Variants in AP1S3 observed in about 807,000 individuals in gnomAD.
AP1S3 encodes AP-1 complex subunit sigma-3.
AP1S3 carries 10 observed loss-of-function variants against 20.9 expected under a neutral mutation model. The observed-to-expected ratio is 0.48, with a 90% CI of 0.29 to 0.81. AP1S3 has a LOEUF of 0.81. Among genes scored for constraint, AP1S3 ranks in the 30% least tolerant of loss-of-function variants. The pLI is 0.08. For synonymous variants in AP1S3, 41 were observed against 61.5 expected, an observed-to-expected ratio of 0.67 and a Z score of 1.56; for missense variants, 154 against 183.8, an observed-to-expected ratio of 0.84 and a Z score of 0.94.
intron 4 of AP1S3, among the ~76,000 whole-genome samples, chr2:223,763,531 C>T (rs552398389): frequency 1.3e-5 from 2 of 152,270 alleles, no homozygotes; most frequent in South Asian, 4.1e-4. Context: ...CCCCAACTCC[C>T]AGAGTATTTT....
chr2:223,773,497 G>A, intron 3 of AP1S3: 1 of 867,302 alleles, frequency 1.2e-6, no homozygotes, highest in Admixed American at 3.4e-5. Context: ...ATACCAAGAG[G>A]AGAAAGAAAA....
At chr2:223,759,036 G>A (rs1010640710) in intron 4 of AP1S3, among the ~76,000 whole-genome samples, 8 of 152,174 alleles carry the variant, frequency 5.3e-5, no homozygotes, top group African/African-American at 1.7e-4. Flanking sequence ...GCTCACGCCT[G>A]TAATACCAGC....
At chr2:223,772,581 G>A (rs944044717) in intron 3 of AP1S3, among the ~76,000 whole-genome samples, 1 of 152,120 alleles carries the variant, frequency 6.6e-6, no homozygotes, top group African/African-American at 2.4e-5. Context: ...ATAAATTGAG[G>A]TTAATGCTAC....
intron 3 of AP1S3, among the ~76,000 whole-genome samples, chr2:223,774,148 C>T (rs13387674): frequency 0.65 from 99,184 of 152,122 alleles, 33,073 homozygotes; most frequent in East Asian, 0.81. Context: ...GCGGATCGCC[C>T]GAGGTCAGGA....
intron 1 of AP1S3, among the ~76,000 whole-genome samples, chr2:223,782,536 C>G (rs1690974815): frequency 6.6e-6 from 1 of 152,108 alleles, no homozygotes; most frequent in Admixed American, 6.6e-5. Flanking sequence ...GGATGCTTTT[C>G]TAGTTGGTCT....
chr2:223,783,804 T>C (rs577026761), intron 1 of AP1S3, among the ~76,000 whole-genome samples: 2 of 152,342 alleles, frequency 1.3e-5, no homozygotes, highest in East Asian at 3.9e-4. Context: ...GACTAGCTCG[T>C]ATCTCAGGAC....
Position 223,758,155 on chromosome 2 carries a change from A to G in AP1S3, c.*560T>C, listed in dbSNP as rs542111950. The G allele has an allele frequency of 1.0e-5, 10 of 980,916 alleles. No individual in the cohort carries two copies. In the South Asian group the frequency reaches 4.7e-4, roughly 46 times the overall value. 60.8% of individuals were successfully genotyped at this position (980,916 alleles called of 1,614,324 possible). ...ATAATCCCAATTCTAAAAAAAATAA[A>G]TGAATTCAGCACATTAAAATCAGAC... On this transcript the variant is annotated 3_prime_UTR_variant, in exon 5 of 5. Coordinates refer to ENST00000396654, the MANE Select transcript of AP1S3 (RefSeq NM_001039569.2).
At chr2:223,810,109 T>C (rs1004019429) in intron 1 of AP1S3, among the ~76,000 whole-genome samples, 8 of 152,212 alleles carry the variant, frequency 5.3e-5, no homozygotes, top group Middle Eastern at 3.4e-3. Context: ...CTCACAGTTA[T>C]GGGGAGAAGC....
At chr2:223,799,035 C>T (rs1356100072) in intron 1 of AP1S3, among the ~76,000 whole-genome samples, 1 of 152,178 alleles carries the variant, frequency 6.6e-6, no homozygotes, top group Non-Finnish European at 1.5e-5. Flanking sequence ...TGCGCCACTG[C>T]ACTCCAGCCT....
At chr2:223,772,051 G>A (rs1459976331) in intron 3 of AP1S3, among the ~76,000 whole-genome samples, 2 of 152,220 alleles carry the variant, frequency 1.3e-5, no homozygotes, top group Non-Finnish European at 2.9e-5. Context: ...AAGGTGCAGT[G>A]AGCCGAGACC....
intron 1 of AP1S3, among the ~76,000 whole-genome samples, chr2:223,805,662 C>T (rs986168527): frequency 6.6e-6 from 1 of 152,160 alleles, no homozygotes; most frequent in African/African-American, 2.4e-5. Context: ...TAGTTCAGAA[C>T]TATGTCTAAC....
chr2:223,818,331 C>G (rs1359732999), intron 1 of AP1S3, among the ~76,000 whole-genome samples: 1 of 151,538 alleles, frequency 6.6e-6, no homozygotes, highest in African/African-American at 2.4e-5. Flanking sequence ...GCAGGAGAAT[C>G]GCTTGAGTCC....
chr2:223,758,657 C>A lies in AP1S3; in HGVS notation c.*58G>T. 1 of 1,501,292 alleles carries A rather than the reference C, an allele frequency of 6.7e-7. No homozygotes were observed. The highest frequency in any genetic ancestry group is 2.2e-5 in the Admixed American group (1 of 44,564). 93.0% of individuals were successfully genotyped at this position (1,501,292 alleles called of 1,614,324 possible). A position where few individuals can be genotyped will look rare whatever the true frequency, so the allele number is the denominator to read the frequency against. On this transcript the variant is annotated 3_prime_UTR_variant, in exon 5 of 5. Coordinates refer to ENST00000396654, the MANE Select transcript of AP1S3 (RefSeq NM_001039569.2). ...CTCCATCAAAAAACCGGATGGGAGG[C>A]GTTGCTTATTTACAGCTTCATAACA... is the stretch of plus-strand genomic sequence containing the variant.
intron 1 of AP1S3, among the ~76,000 whole-genome samples, chr2:223,831,109 T>C (rs1692247514): frequency 6.6e-6 from 1 of 152,072 alleles, no homozygotes; most frequent in Non-Finnish European, 1.5e-5. Context: ...CCTCCCAAAG[T>C]GCTGGCATGA....
intron 1 of AP1S3, among the ~76,000 whole-genome samples, chr2:223,825,423 C>G (rs2106129263): frequency 6.6e-6 from 1 of 152,220 alleles, no homozygotes; most frequent in East Asian, 1.9e-4. Flanking sequence ...CTCACTGACC[C>G]CTTCCCTCTC....
chr2:223,813,575 AG>A (rs1451395929), intron 1 of AP1S3, among the ~76,000 whole-genome samples: 2 of 152,226 alleles, frequency 1.3e-5, no homozygotes, highest in African/African-American at 2.4e-5. Context: ...GAAGCCAGGC[AG>A]GCTGGCAGCA....
intron 1 of AP1S3, among the ~76,000 whole-genome samples, chr2:223,794,278 A>G (rs1691283048): frequency 6.6e-6 from 1 of 152,104 alleles, no homozygotes; most frequent in Non-Finnish European, 1.5e-5. Context: ...ACTAACGCCT[A>G]TAACTAACCC....
chr2:223,798,915 T>C (rs1691407074), intron 1 of AP1S3, among the ~76,000 whole-genome samples: 1 of 151,968 alleles, frequency 6.6e-6, no homozygotes, highest in African/African-American at 2.4e-5. Flanking sequence ...CTACTAAAAA[T>C]ACAAAAATTA....
At chr2:223,834,546 T>C (rs574479596) in intron 1 of AP1S3, among the ~76,000 whole-genome samples, 1 of 152,144 alleles carries the variant, frequency 6.6e-6, no homozygotes, top group Admixed American at 6.6e-5. Flanking sequence ...GCCATGTTCA[T>C]GCTACTGCAC....
Sources: gnomAD v4.1 joint callset for allele counts (sites outside exome capture counted in the v4.1 genomes callset) on GRCh38, gnomAD v4.1.1 for gene constraint, MANE v1.5 for transcripts, NCBI Gene and HGNC (gene_info 2026-07-23, HGNC 2026-07-21) for gene names.